Variants in ARMH3 observed in about 807,000 individuals in gnomAD.
The protein encoded by ARMH3 is armadillo like helical domain containing 3, also known as armadillo-like helical domain-containing protein 3.
ARMH3 carries 60 observed loss-of-function variants against 99.1 expected under a neutral mutation model. The observed-to-expected ratio is 0.61, with a 90% CI of 0.49 to 0.75. The LOEUF is 0.75. ARMH3 is among the 30% of genes least tolerant of loss of function. The probability of loss-of-function intolerance (pLI) is 0.00; values close to 1 mark genes in which losing one functional copy is unlikely to be tolerated. For missense variants in ARMH3, 679 were observed against 843.1 expected (o/e 0.81, Z 2.41); for synonymous variants, 285 against 292.8 (o/e 0.97, Z 0.27).
chr10:102,012,378 T>C (rs2066649900), intron 10 of ARMH3, among the ~76,000 whole-genome samples: 1 of 152,204 alleles, frequency 6.6e-6, no homozygotes, highest in Non-Finnish European at 1.5e-5. Flanking sequence ...CTCTGGGAAG[T>C]TGAGGTTCAT....
intron 13 of ARMH3, among the ~76,000 whole-genome samples, chr10:102,008,857 G>A (rs1433061529): frequency 6.6e-6 from 1 of 151,826 alleles, no homozygotes. Flanking sequence ...GAGCCACAGC[G>A]CAGGGCCCAG....
At chr10:101,899,303 G>A (rs1203887888) in intron 23 of ARMH3, among the ~76,000 whole-genome samples, 5 of 152,110 alleles carry the variant, frequency 3.3e-5, no homozygotes, top group Admixed American at 3.3e-4. Flanking sequence ...TGAGATTAAA[G>A]ACAAGAAAAC....
intron 23 of ARMH3, among the ~76,000 whole-genome samples, chr10:101,891,733 G>C (rs2067696004): frequency 6.6e-6 from 1 of 152,242 alleles, no homozygotes; most frequent in South Asian, 2.1e-4. Context: ...AAATTAGGCT[G>C]AGGGTATCCA....
chr10:102,041,268 G>T (rs1016895844), intron 1 of ARMH3, among the ~76,000 whole-genome samples: 8 of 150,536 alleles, frequency 5.3e-5, no homozygotes, highest in Non-Finnish European at 1.0e-4. Context: ...GGTCTTTACT[G>T]CGAATTTACA....
chr10:101,990,313 A>C (rs1253408770), intron 19 of ARMH3, among the ~76,000 whole-genome samples: 1 of 151,388 alleles, frequency 6.6e-6, no homozygotes, highest in Non-Finnish European at 1.5e-5. Flanking sequence ...CCTCCCAAGT[A>C]GCTGAGACTA....
chr10:101,967,873 C>T (rs1420193856), intron 20 of ARMH3, among the ~76,000 whole-genome samples: 1 of 152,140 alleles, frequency 6.6e-6, no homozygotes, highest in Admixed American at 6.5e-5. Context: ...TGGCTGTATG[C>T]TATCAGCCTC....
intron 23 of ARMH3, among the ~76,000 whole-genome samples, chr10:101,894,093 A>T (rs2067759287): frequency 6.6e-6 from 1 of 152,164 alleles, no homozygotes; most frequent in Non-Finnish European, 1.5e-5. Context: ...AACAGTCTAG[A>T]TTCAGTTAGT....
intron 1 of ARMH3, among the ~76,000 whole-genome samples, chr10:102,052,722 CT>C (rs2067736641): frequency 1.3e-5 from 2 of 152,164 alleles, no homozygotes; most frequent in South Asian, 4.1e-4. Flanking sequence ...GCATAATCTG[CT>C]ACTTCCTTAT....
At chr10:101,884,506 G>C (rs1430524107) in intron 24 of ARMH3, among the ~76,000 whole-genome samples, 2 of 152,156 alleles carry the variant, frequency 1.3e-5, no homozygotes, top group Non-Finnish European at 2.9e-5. Context: ...ACTATGAGTA[G>C]TTTCATAGCT....
rs1486406217 is a variant in ARMH3 at position 102,029,630 on chromosome 10, T to C, written c.414+8A>G. The C allele has an allele frequency of 1.9e-6, 3 of 1,614,248 alleles. No homozygotes were observed. Among genetic ancestry groups the C allele is most frequent in the South Asian group, 1.1e-5 (1 of 91,092 alleles). ...CATCCACAGGCACATCTGCAGCTTA[T>C]GCCTCACCTTCATGCACAGCTCCGC... On this transcript the variant is annotated splice_region_variant and intron_variant, in intron 5 of 25. Coordinates refer to ENST00000370033, the MANE Select transcript of ARMH3 (RefSeq NM_024541.3).
intron 23 of ARMH3, among the ~76,000 whole-genome samples, chr10:101,900,151 C>T (rs2067939488): frequency 6.6e-6 from 1 of 152,156 alleles, no homozygotes. Context: ...TGCTCAGATC[C>T]ATCACTCTGT....
In ARMH3 at chr10:102,009,970, CACTT is replaced by C; in HGVS notation, c.878+3_878+6del. ...CAAGTCACTGCACAAGAATGTCAGG[CACTT>C]ACTGTACTGAGATTTTCTCATGGGC... On this transcript the variant is annotated splice_donor_5th_base_variant and intron_variant, in intron 12 of 25. Transcript: ENST00000370033. 6.2e-7 allele frequency: 1 copy of C among 1,613,362 alleles called. No homozygotes were observed. Among genetic ancestry groups the C allele is most frequent in the Non-Finnish European group, 8.5e-7 (1 of 1,179,422 alleles).
At chr10:101,853,049 A>ATTTTT (rs1274373733) in intron 24 of ARMH3, among the ~76,000 whole-genome samples, 1 of 137,776 alleles carries the variant, frequency 7.3e-6, no homozygotes, top group Non-Finnish European at 1.6e-5. Context: ...ATGCTTGGCT[A>ATTTTT]ATTTTTTTTT....
At chr10:101,883,966 C>A (rs1233171113) in intron 24 of ARMH3, among the ~76,000 whole-genome samples, 2 of 151,682 alleles carry the variant, frequency 1.3e-5, no homozygotes, top group Non-Finnish European at 2.9e-5. Flanking sequence ...GCACTCCATT[C>A]TGGGCAACAG....
intron 2 of ARMH3, among the ~76,000 whole-genome samples, chr10:102,036,843 G>A (rs1262547987): frequency 1.4e-5 from 2 of 145,870 alleles, no homozygotes; most frequent in Non-Finnish European, 1.5e-5. Flanking sequence ...CCCCCTCTCC[G>A]AGAAACACCC....
intron 16 of ARMH3, among the ~76,000 whole-genome samples, chr10:101,993,858 T>C (rs1846928805): frequency 6.6e-6 from 1 of 152,208 alleles, no homozygotes; most frequent in South Asian, 2.1e-4. Context: ...CGCAGGGACT[T>C]AAGGCAGATG....
At chr10:101,976,782 C>A (rs1422645289) in intron 19 of ARMH3, among the ~76,000 whole-genome samples, 2 of 152,128 alleles carry the variant, frequency 1.3e-5, no homozygotes, top group African/African-American at 4.8e-5. Flanking sequence ...ATACTCCCAG[C>A]CACCCTGTAG....
rs1273926327 is a variant in ARMH3, at chr10:101,917,895, C to G, written c.1781+21968G>C. ...CACCCTGCAGCATCCCAGGAAATAA[C>G]AATCTTTCCCAACCACCCCAGCCCC... is the stretch of plus-strand genomic sequence containing the variant. On this transcript the variant is annotated intron_variant, in intron 23 of 25. Transcript: ENST00000370033. Among the ~76,000 whole-genome samples, 4 of 152,254 alleles carry G rather than the reference C, an allele frequency of 2.6e-5. No homozygotes were observed. In the East Asian group the frequency reaches 7.7e-4, roughly 29 times the overall value.
At chr10:102,037,073 A>G (rs2067295543) in intron 2 of ARMH3, among the ~76,000 whole-genome samples, 1 of 151,690 alleles carries the variant, frequency 6.6e-6, no homozygotes, top group Non-Finnish European at 1.5e-5. Context: ...ATAAATAAAT[A>G]ATTGATTAAT....
Sources: allele counts gnomAD v4.1 joint callset (sites outside exome capture counted in the v4.1 genomes callset), GRCh38; gene constraint gnomAD v4.1.1; transcripts MANE v1.5; gene names NCBI Gene and HGNC (gene_info 2026-07-23, HGNC 2026-07-21).